Variants in LIMK2 observed in about 807,000 individuals in gnomAD.
LIMK2 encodes the protein LIM domain kinase 2.
In LIMK2, 35 loss-of-function variants were observed where a neutral mutation model predicts 75.7. The observed-to-expected ratio is 0.46, with a 90% CI of 0.35 to 0.61. LIMK2 has a LOEUF of 0.61. Among genes scored for constraint, LIMK2 ranks in the 20% least tolerant of loss-of-function variants. LIMK2 has a pLI of 0.00. For missense variants in LIMK2, 623 were observed against 831.0 expected (o/e 0.75, Z 3.08); for synonymous variants, 301 against 319.2 (o/e 0.94, Z 0.61).
intron 2 of LIMK2, among the ~76,000 whole-genome samples, chr22:31,241,406 C>T (rs2123801428): frequency 6.6e-6 from 1 of 152,298 alleles, no homozygotes; most frequent in South Asian, 2.1e-4. Flanking sequence ...TCACCTCCTG[C>T]TGTACTCCAT....
At position 31,279,651 on chromosome 22, in the gene LIMK2, T is replaced by A. The variant is rs1010996678; in HGVS notation, c.*1210T>A. ...TTGGCTCCCAGAGCTCTAGGAACTC[T>A]TCATCACAACTAGATTTGCCTCTTC... On this transcript the variant is annotated 3_prime_UTR_variant, in exon 16 of 16. Transcript: ENST00000331728. 1.3e-5 allele frequency: 2 copies of A among 152,224 alleles called. No homozygotes were observed. The highest frequency in any genetic ancestry group is 6.5e-5 in the Admixed American group (1 of 15,284). The allele number at this position is 152,224 out of a possible 1,614,324, so 9.4% of individuals were successfully genotyped here.
intron 15 of LIMK2, chr22:31,276,695 G>T (rs1437574574): frequency 1.7e-6 from 2 of 1,189,200 alleles, no homozygotes; most frequent in African/African-American, 1.6e-5. Context: ...CCGCCGTGGC[G>T]GACAGCGGCA....
rs565844387 is a variant in LIMK2 at position 31,242,315 on chromosome 22, T to A, written c.117-15976T>A. Among the ~76,000 whole-genome samples the A allele has an allele frequency of 2.2e-4, 34 of 152,338 alleles. No individual in the cohort carries two copies. In the South Asian group the frequency reaches 6.8e-3, roughly 31 times the overall value. ...TCTGCCTAGAATTTATGTGAAGGAATCAAAGCAAAAGGATCATAAGGCTTC... is the reference window on the plus strand; with the variant it reads ...TCTGCCTAGAATTTATGTGAAGGAAACAAAGCAAAAGGATCATAAGGCTTC... On this transcript the variant is annotated intron_variant, in intron 2 of 15. Transcript: ENST00000331728.
At position 31,258,406 on chromosome 22, in the gene LIMK2, C is replaced by G. The variant is rs771084358; in HGVS notation, c.232C>G (p.Leu78Val). ...FGEFCHGCSL[L>V]MTGPFMVAGE... The stretch of plus-strand genomic sequence containing the variant: ...GGAGTTCTGTCATGGGTGCTCCCTG[C>G]TGATGACAGGGCCTTTTATGGTGAG... Residue 78 changes from leucine to valine, a missense_variant, in exon 3 of 16, where the codon CTG becomes GTG. Physicochemically the swap from Leu to Val is conservative, Grantham distance 32. This residue lies in a region of LIMK2 where 514 missense variants were observed against 661.3 expected (regional missense o/e 0.78). Transcript: ENST00000331728. The G allele has an allele frequency of 6.2e-7, 1 of 1,614,112 alleles. No individual in the cohort carries two copies. The highest frequency in any genetic ancestry group is 1.7e-5 in the Admixed American group (1 of 60,020).
chr22:31,230,395 G>T (rs775090044), intron 2 of LIMK2, among the ~76,000 whole-genome samples: 1 of 152,112 alleles, frequency 6.6e-6, no homozygotes, highest in Non-Finnish European at 1.5e-5. Context: ...CAAGCCAGAG[G>T]ACCTTGACAA....
intron 2 of LIMK2, among the ~76,000 whole-genome samples, chr22:31,238,644 T>A (rs2048600169): frequency 6.6e-6 from 1 of 152,184 alleles, no homozygotes; most frequent in Non-Finnish European, 1.5e-5. Flanking sequence ...CCAGTCAACC[T>A]TCCTTTGATC....
chr22:31,246,182 C>T (rs535642879), intron 2 of LIMK2, among the ~76,000 whole-genome samples: 159 of 115,170 alleles, frequency 1.4e-3, no homozygotes, highest in South Asian at 7.9e-3. Context: ...CACGCACGCA[C>T]GCACACACAC....
intron 15 of LIMK2, chr22:31,277,170 C>T: frequency 6.2e-7 from 1 of 1,612,870 alleles, no homozygotes; most frequent in East Asian, 2.2e-5. Flanking sequence ...ACGGTGGCTC[C>T]CATAGGACAA....
At chr22:31,249,344 G>C (rs940817118) in intron 2 of LIMK2, among the ~76,000 whole-genome samples, 15 of 152,160 alleles carry the variant, frequency 9.9e-5, no homozygotes, top group African/African-American at 3.6e-4. Context: ...AAAGACCTGG[G>C]CGAGTGCTTC....
chr22:31,237,272 A>AG (rs2048586862), intron 2 of LIMK2, among the ~76,000 whole-genome samples: 1 of 150,764 alleles, frequency 6.6e-6, no homozygotes, highest in Non-Finnish European at 1.5e-5. Flanking sequence ...AAAAAAAAAA[A>AG]AAAAATGGAG....
chr22:31,237,993 T>G (rs1019512306), intron 2 of LIMK2, among the ~76,000 whole-genome samples: 10 of 150,546 alleles, frequency 6.6e-5, no homozygotes, highest in African/African-American at 2.4e-4. Context: ...CAGGTCCCTG[T>G]AATCCCAGCT....
At chr22:31,274,770 G>A (rs1222435027) in intron 14 of LIMK2, among the ~76,000 whole-genome samples, 1 of 152,068 alleles carries the variant, frequency 6.6e-6, no homozygotes, top group Non-Finnish European at 1.5e-5. Flanking sequence ...CAGAGCACTG[G>A]GCTGGTGCCA....
chr22:31,275,848 T>C (rs891395883), intron 15 of LIMK2, among the ~76,000 whole-genome samples: 2 of 152,242 alleles, frequency 1.3e-5, no homozygotes, highest in Admixed American at 6.5e-5. Context: ...ATTTCTCCTT[T>C]GAGGAAGTAT....
Position 31,267,815 on chromosome 22 carries a change from A to G in LIMK2, c.1168A>G (p.Lys390Glu). Residue 390 changes from lysine to glutamate, a missense_variant, in exon 10 of 16, where the codon AAG becomes GAG. By Grantham distance (56) the Lys-to-Glu change is moderately conservative. Around this residue, in one of 3 missense-constraint regions of LIMK2, gnomAD observed 514 missense variants for 661.3 expected, o/e 0.78. Coordinates refer to ENST00000331728, the MANE Select transcript of LIMK2 (RefSeq NM_005569.4). ...CAGCCTGGACCACCCCAATGTGCTC[A>G]AGTTCATTGGTGTGCTGTACAAGGA... ...MRSLDHPNVL[K>E]FIGVLYKDKK... is the part of the protein sequence containing the mutation. 6.2e-7 allele frequency: 1 copy of G among 1,612,170 alleles called. No homozygotes were observed. Among genetic ancestry groups the G allele is most frequent in the Non-Finnish European group, 8.5e-7 (1 of 1,179,238 alleles).
intron 7 of LIMK2, among the ~76,000 whole-genome samples, chr22:31,265,029 T>C (rs577232305): frequency 6.6e-6 from 1 of 151,380 alleles, no homozygotes; most frequent in East Asian, 2.0e-4. Flanking sequence ...CCATCTCTAC[T>C]AAAAAAATAC....
intron 2 of LIMK2, chr22:31,248,870 C>A: frequency 7.8e-7 from 1 of 1,280,560 alleles, no homozygotes; most frequent in Non-Finnish European, 1.1e-6. Flanking sequence ...CCTTTACCAT[C>A]GGTTCTGCCG....
intron 2 of LIMK2, among the ~76,000 whole-genome samples, chr22:31,257,035 T>C (rs2048789548): frequency 7.7e-6 from 1 of 130,216 alleles, no homozygotes; most frequent in Admixed American, 8.7e-5. Context: ...AGAAGGGAGC[T>C]ATAGATTTTT....
chr22:31,270,463 AG>A (rs1469867134), intron 11 of LIMK2, among the ~76,000 whole-genome samples: 28 of 152,160 alleles, frequency 1.8e-4, no homozygotes, highest in Non-Finnish European at 1.6e-4. Flanking sequence ...AAGGGATGAA[AG>A]TAGTATTGCA....
chr22:31,276,539 C>CG (rs2049020794), intron 15 of LIMK2, among the ~76,000 whole-genome samples: 1 of 146,344 alleles, frequency 6.8e-6, no homozygotes, highest in Non-Finnish European at 1.5e-5. Flanking sequence ...AGGCCAGGCC[C>CG]GGGGGCTCCG....
Sources: allele counts gnomAD v4.1 joint callset (sites outside exome capture counted in the v4.1 genomes callset), GRCh38; gene constraint gnomAD v4.1.1; regional missense constraint gnomAD v4.1.1; transcripts MANE v1.5; gene names NCBI Gene and HGNC (gene_info 2026-07-23, HGNC 2026-07-21).